The following PDHA1 variants were observed in gnomAD, a reference collection of about 807,000 sequenced individuals.
The protein encoded by PDHA1 is pyruvate dehydrogenase E1 component subunit alpha, somatic form, mitochondrial.
PDHA1 carries 1 observed loss-of-function variant against 33.0 expected under a neutral mutation model. The observed-to-expected ratio is 0.03, with a 90% confidence interval of 0.01 to 0.14. The LOEUF (loss-of-function observed/expected upper bound fraction) is 0.14. Among genes scored for constraint, PDHA1 ranks in the 10% least tolerant of loss-of-function variants. The pLI is 1.00. For synonymous variants in PDHA1, 123 were observed against 119.2 expected, an observed-to-expected ratio of 1.03 and a Z score of -0.21; for missense variants, 168 against 325.1, an observed-to-expected ratio of 0.52 and a Z score of 3.72.
chrX:19,351,519 T>TA (rs1347981890), intron 4 of PDHA1, 112 bp downstream of exon 4: 6 of 669,290 alleles, frequency 9.0e-6, no homozygotes, highest in Non-Finnish European at 1.4e-5. Context: ...TTTCTTTTTT[T>TA]AACCCTCTCT....
chrX:19,346,295 G>GT (rs1203372331), intron 1 of PDHA1, among the ~76,000 whole-genome samples: 1 of 111,428 alleles, frequency 9.0e-6, no homozygotes, highest in Non-Finnish European at 1.9e-5. Context: ...GACGCTGTGT[G>GT]TTTTTTCCTT....
In PDHA1 at chrX:19,360,534, G is replaced by T. The variant is rs2063270131; in HGVS notation, c.*881G>T. 6.0e-6 allele frequency: 2 copies of T among 335,662 alleles called. No individual in the cohort carries two copies. The highest frequency in any genetic ancestry group is 1.0e-5 in the Non-Finnish European group (2 of 193,535). The allele number at this position is 335,662 out of a possible 1,213,427, so 27.7% of individuals were successfully genotyped here. On this transcript the variant is annotated 3_prime_UTR_variant, in exon 11 of 11. Transcript: ENST00000422285. ...AATATTCCGGGAGGTCAAAACCAAGGCTCACTGTTTTCACAATACACACAG... is the reference window on the plus strand; with the variant it reads ...AATATTCCGGGAGGTCAAAACCAAGTCTCACTGTTTTCACAATACACACAG...
chrX:19,350,889 A>G (rs1476711098), intron 3 of PDHA1, among the ~76,000 whole-genome samples: 2 of 111,894 alleles, frequency 1.8e-5, no homozygotes, highest in South Asian at 7.5e-4. Flanking sequence ...TGGCACCAGC[A>G]TGCCCTACCC....
rs1042449 is a variant in PDHA1, at chrX:19,359,972, G to T, written c.*319G>T. On this transcript the variant is annotated 3_prime_UTR_variant, in exon 11 of 11. Coordinates refer to ENST00000422285, the MANE Select transcript of PDHA1 (RefSeq NM_000284.4). ...CACCTTTTTGGGAGGAGACCATTAT[G>T]GCGGGGCCCCTCACAGCATTCTACC... The T allele has an allele frequency of 0.13, 39,130 of 302,567 alleles. 6,321 individuals are homozygous for T. Among genetic ancestry groups the T allele is most frequent in the African/African-American group, 0.66 (23,697 of 36,070 alleles). 24.9% of individuals were successfully genotyped at this position (302,567 alleles called of 1,213,427 possible).
In PDHA1 at chrX:19,359,887, A is replaced by ATACTC. The variant is rs748590147; in HGVS notation, c.*237_*241dup. ...ACTTAAAATAGTATACTTTGAACAA[A>ATACTC]TACTCTAATTATGAAAAGGAAGAAC... On this transcript the variant is annotated 3_prime_UTR_variant, in exon 11 of 11. Transcript: ENST00000422285. 21 of 415,803 alleles carry ATACTC rather than the reference A, an allele frequency of 5.1e-5. No individual in the cohort carries two copies. Among genetic ancestry groups the ATACTC allele is most frequent in the African/African-American group, 3.7e-4 (15 of 40,234 alleles). The allele number at this position is 415,803 out of a possible 1,213,427, so 34.3% of individuals were successfully genotyped here. A position where few individuals can be genotyped will look rare whatever the true frequency, so the allele number is the denominator to read the frequency against.
chrX:19,357,921 G>C (rs751927354), intron 9 of PDHA1, among the ~76,000 whole-genome samples: 2 of 112,581 alleles, frequency 1.8e-5, no homozygotes, highest in East Asian at 5.6e-4. Context: ...TATAGTGTGT[G>C]TGAGCACAAG....
In PDHA1 at chrX:19,360,303, T is replaced by G. The variant is rs1438714650; in HGVS notation, c.*650T>G. The G allele has an allele frequency of 2.8e-5, 4 of 142,012 alleles. No homozygotes were observed. Among genetic ancestry groups the G allele is most frequent in the Non-Finnish European group, 5.5e-5 (4 of 73,087 alleles). 11.7% of individuals were successfully genotyped at this position (142,012 alleles called of 1,213,427 possible). On this transcript the variant is annotated 3_prime_UTR_variant, in exon 11 of 11. Transcript: ENST00000422285. ...CCAGTTCTGAGGCAGTGTCCCAGCTTCCATGTTTGTTAAATACCCCTTGTT... is the reference window on the plus strand; with the variant it reads ...CCAGTTCTGAGGCAGTGTCCCAGCTGCCATGTTTGTTAAATACCCCTTGTT...
At chrX:19,346,738 G>T in intron 1 of PDHA1, 1 of 449,376 alleles carries the variant, frequency 2.2e-6, no homozygotes. Context: ...AAGGTTTATA[G>T]TTTTCATAGT....
chrX:19,351,441 T>G (rs746190993), intron 4 of PDHA1, 34 bp downstream of exon 4: 2 of 1,124,890 alleles, frequency 1.8e-6, no homozygotes, highest in Non-Finnish European at 2.4e-6. Flanking sequence ...GGGAAATGAG[T>G]GGATTAAGTT....
Position 19,359,983 on chromosome X carries a change from TCA to T in PDHA1, c.*333_*334del. The T allele has an allele frequency of 3.4e-6, 1 of 295,604 alleles. No homozygotes were observed. The highest frequency in any genetic ancestry group is 3.6e-5 in the South Asian group (1 of 28,117). The allele number at this position is 295,604 out of a possible 1,213,427, so 24.4% of individuals were successfully genotyped here. On this transcript the variant is annotated 3_prime_UTR_variant, in exon 11 of 11. Transcript: ENST00000422285. ...GAGGAGACCATTATGGCGGGGCCCCTCACAGCATTCTACCAACCATAGCACCC... is the reference window on the plus strand; with the variant it reads ...GAGGAGACCATTATGGCGGGGCCCCTCAGCATTCTACCAACCATAGCACCC...
In PDHA1 at chrX:19,349,954, G is replaced by A. The variant is rs1303511754; in HGVS notation, c.135G>A (p.Arg45=). The change falls in exon 3 of 11, where the codon CGG becomes CGA. Residue 45 remains arginine, a synonymous_variant. Transcript: ENST00000422285. ...TFEIKKCDLH[R]LEEGPPVTTV... ...CATTTCAGAAATGTGACCTTCACCGGCTGGAAGAAGGCCCTCCTGTCACAA... is the reference window on the plus strand; with the variant it reads ...CATTTCAGAAATGTGACCTTCACCGACTGGAAGAAGGCCCTCCTGTCACAA... 4 of 1,206,497 alleles carry A rather than the reference G, an allele frequency of 3.3e-6. No individual in the cohort carries two copies. The highest frequency in any genetic ancestry group is 4.5e-6 in the Non-Finnish European group (4 of 891,757).
In PDHA1 at chrX:19,355,390, A is replaced by G; in HGVS notation, c.645A>G (p.Lys215=). The change falls in exon 7 of 11, where the codon AAA becomes AAG. Residue 215 remains lysine (K), a synonymous_variant. Transcript: ENST00000422285. ...FEAYNMAALW[K]LPCIFICENN... ...CTTACAACATGGCAGCTTTGTGGAA[A>G]TTACCTTGTATTTTCATCTGTGAGA... The G allele has an allele frequency of 1.7e-6, 2 of 1,211,570 alleles. No homozygotes were observed. The highest frequency in any genetic ancestry group is 1.8e-5 in the South Asian group (1 of 57,019).
rs377027628 is a variant in PDHA1, at chrX:19,358,890, C to A, written c.900-26C>A. 2.8e-5 allele frequency: 25 copies of A among 891,718 alleles called. No homozygotes were observed. In the African/African-American group the frequency reaches 3.1e-4, roughly 11 times the overall value. 73.5% of individuals were successfully genotyped at this position (891,718 alleles called of 1,213,427 possible). ...CTCTACTGGAACTGCTCTTACTGATCGATTACTACTTTTCCCTCCCCATAG... is the reference window on the plus strand; with the variant it reads ...CTCTACTGGAACTGCTCTTACTGATAGATTACTACTTTTCCCTCCCCATAG... On this transcript the variant is annotated intron_variant, in intron 9 of 10. Coordinates refer to ENST00000422285, the MANE Select transcript of PDHA1 (RefSeq NM_000284.4).
At chrX:19,349,441 A>G (rs2063152066) in intron 2 of PDHA1, 70 bp downstream of exon 2, 7 of 653,013 alleles carry the variant, frequency 1.1e-5, no homozygotes, top group Non-Finnish European at 1.5e-5. Context: ...TACCTTTAGA[A>G]TAGAACATTT....
chrX:19,359,209 A>ATTAC (rs1241576934), intron 10 of PDHA1, among the ~76,000 whole-genome samples, 185 bp downstream of exon 10: 2 of 111,219 alleles, frequency 1.8e-5, no homozygotes, highest in African/African-American at 6.5e-5. Context: ...TCAAAATTGT[A>ATTAC]TTACTCTTCA....
In PDHA1 at chrX:19,360,119, G is replaced by T. The variant is rs183744566; in HGVS notation, c.*466G>T. The T allele has an allele frequency of 4.9e-4, 75 of 152,613 alleles. No homozygotes were observed. The highest frequency in any genetic ancestry group is 7.6e-4 in the Non-Finnish European group (60 of 79,287). The allele number at this position is 152,613 out of a possible 1,213,427, so 12.6% of individuals were successfully genotyped here. The stretch of plus-strand genomic sequence containing the variant: ...AGTTCCATTTTAAAATAAGACTTTT[G>T]TAATCATTCCAATTTTGTAATCATT... On this transcript the variant is annotated 3_prime_UTR_variant, in exon 11 of 11. Transcript: ENST00000422285.
chrX:19,359,199 T>TCAAAATTGTATTACTC (rs1377730216), intron 10 of PDHA1, among the ~76,000 whole-genome samples, 175 bp downstream of exon 10: 7 of 111,603 alleles, frequency 6.3e-5, no homozygotes, highest in African/African-American at 2.0e-4. Flanking sequence ...TTTCCTCTAT[T>TCAAAATTGTATTACTC]CAAAATTGTA....
chrX:19,361,439 A>G lies in PDHA1; in HGVS notation c.*1786A>G, dbSNP rs938175895. 10 of 1,187,520 alleles carry G rather than the reference A, an allele frequency of 8.4e-6. No individual in the cohort carries two copies. The highest frequency in any genetic ancestry group is 1.1e-5 in the Non-Finnish European group (10 of 874,865). The stretch of plus-strand genomic sequence containing the variant: ...ATCTGAAACAAAGATCAGATCCTTA[A>G]GAGCTGAGCAGCTGTGTAACAACAG... On this transcript the variant is annotated 3_prime_UTR_variant, in exon 11 of 11. Transcript: ENST00000422285.
At position 19,351,308 on chromosome X, in the gene PDHA1, G is replaced by A. The variant is rs764996618; in HGVS notation, c.319G>A (p.Gly107Ser). ...QEACCVGLEA[G>S]INPTDHLITA... The stretch of plus-strand genomic sequence containing the variant: ...AGCTTGCTGTGTGGGCCTGGAGGCC[G>A]GCATCAACCCCACAGACCATCTCAT... The change falls in exon 4 of 11, where the codon GGC becomes AGC. Residue 107 changes from glycine to serine, a missense_variant. By Grantham distance (56) the Gly-to-Ser change is moderately conservative. This residue lies in a region of PDHA1 where 35 missense variants were observed against 148.5 expected (regional missense o/e 0.24). Transcript: ENST00000422285. 1.7e-5 allele frequency: 21 copies of A among 1,203,085 alleles called. No homozygotes were observed. The African/African-American group carries it at 2.5e-4, about 14-fold the overall frequency.
Sources: gnomAD v4.1 joint callset for allele counts (sites outside exome capture counted in the v4.1 genomes callset) on GRCh38, gnomAD v4.1.1 for gene constraint, gnomAD v4.1.1 regional missense constraint, MANE v1.5 for transcripts, NCBI Gene and HGNC (gene_info 2026-07-23, HGNC 2026-07-21) for gene names.